The following TSC22D1 variants were observed in gnomAD, a reference collection of about 807,000 sequenced individuals.
The protein encoded by TSC22D1 is TSC22 domain family protein 1.
TSC22D1 carries 9 observed loss-of-function variants against 74.2 expected under a neutral mutation model. The observed-to-expected ratio is 0.12, with a 90% CI of 0.07 to 0.21. The LOEUF (loss-of-function observed/expected upper bound fraction) is 0.21. TSC22D1 is among the 10% of genes least tolerant of loss of function. TSC22D1 has a pLI of 1.00. For synonymous variants in TSC22D1, 586 were observed against 492.5 expected (o/e 1.19, Z -2.51); for missense variants, 1,427 against 1,304.7 (o/e 1.09, Z -1.44).
intron 1 of TSC22D1, among the ~76,000 whole-genome samples, chr13:44,562,116 T>C (rs1883082107): frequency 6.6e-6 from 1 of 152,178 alleles, no homozygotes; most frequent in African/African-American, 2.4e-5. Flanking sequence ...CTCACCTCAC[T>C]GCAACCTCCA....
In TSC22D1 at chr13:44,574,553, G is replaced by C. The variant is rs763098056; in HGVS notation, c.1522C>G (p.Gln508Glu). Reference protein sequence around the residue: ...QQQQQQQQQQQQPALQGVTLQ... With the variant: ...QQQQQQQQQQEQPALQGVTLQ... ...GTCACACCTTGGAGAGCTGGTTGTT[G>C]CTGTTGTTGTTGTTGTTGCTGCTGC... The change falls in exon 1 of 3, where the codon CAA becomes GAA. Residue 508 changes from glutamine to glutamate, a missense_variant. Around this residue, in one of 3 missense-constraint regions of TSC22D1, gnomAD observed 1,343 missense variants for 1,191.5 expected, o/e 1.13. Transcript: ENST00000458659. 6.2e-7 allele frequency: 1 copy of C among 1,613,824 alleles called. No individual in the cohort carries two copies. The highest frequency in any genetic ancestry group is 8.5e-7 in the Non-Finnish European group (1 of 1,180,034).
At position 44,573,330 on chromosome 13, in the gene TSC22D1, A is replaced by G; in HGVS notation, c.2745T>C (p.Arg915=). ...AGCCAACTAAGGAGGGCTCCGCTGC[A>G]CGCCTGGCATCTTCAATTTGGCTTC... The part of the protein sequence containing the change: ...AIGSQIEDAR[R]AAEPSLVGLP... Residue 915 remains arginine (R), a synonymous_variant, in exon 1 of 3, where the codon CGT becomes CGC. Transcript: ENST00000458659. 2.5e-6 allele frequency: 4 copies of G among 1,614,244 alleles called. No homozygotes were observed. The highest frequency in any genetic ancestry group is 3.4e-6 in the Non-Finnish European group (4 of 1,180,038).
rs374971486 is a variant in TSC22D1 at position 44,573,925 on chromosome 13, G to A, written c.2150C>T (p.Pro717Leu). The change falls in exon 1 of 3, where the codon CCG becomes CTG. Residue 717 changes from proline to leucine, a missense_variant. By Grantham distance (98) the Pro-to-Leu change is moderately conservative (BLOSUM62 -3). This residue lies in a region of TSC22D1 where 1,343 missense variants were observed against 1,191.5 expected (regional missense o/e 1.13). Coordinates refer to ENST00000458659, the MANE Select transcript of TSC22D1 (RefSeq NM_183422.4). ...GASVQPVGQA[P>L]AAVSAVPTGS... ...AGTAGGTACAGCAGACACTGCTGCC[G>A]GAGCCTGGCCAACAGGCTGGACAGA... 7.8e-5 allele frequency: 126 copies of A among 1,614,026 alleles called. No homozygotes were observed. The highest frequency in any genetic ancestry group is 1.6e-4 in the Middle Eastern group (1 of 6,084).
chr13:44,434,898 G>A lies in TSC22D1; in HGVS notation c.2965-15C>T, dbSNP rs1368955262. 3.1e-6 allele frequency: 5 copies of A among 1,602,364 alleles called. No individual in the cohort carries two copies. Among genetic ancestry groups the A allele is most frequent in the African/African-American group, 1.3e-5 (1 of 74,526 alleles). On this transcript the variant is annotated splice_polypyrimidine_tract_variant and intron_variant, in intron 2 of 2. Coordinates refer to ENST00000458659, the MANE Select transcript of TSC22D1 (RefSeq NM_183422.4). ...TTCACTAGATCCTGGAAAGAAGACA[G>A]AAAAGGTTTAACTCATTATTTGGTA...
At chr13:44,534,952 A>G (rs182253385) in intron 1 of TSC22D1, among the ~76,000 whole-genome samples, 24 of 152,300 alleles carry the variant, frequency 1.6e-4, no homozygotes, top group Admixed American at 5.2e-4. Context: ...GAGAAATTAA[A>G]TATGAATCAT....
chr13:44,542,512 C>G (rs1388115411), intron 1 of TSC22D1, among the ~76,000 whole-genome samples: 1 of 152,060 alleles, frequency 6.6e-6, no homozygotes, highest in African/African-American at 2.4e-5. Flanking sequence ...TTAAGTTACA[C>G]AACAAGTTAA....
intron 1 of TSC22D1, among the ~76,000 whole-genome samples, chr13:44,557,474 CAAA>C (rs1882734840): frequency 6.6e-6 from 1 of 152,134 alleles, no homozygotes; most frequent in Non-Finnish European, 1.5e-5. Flanking sequence ...CAAAACAAAA[CAAA>C]AAGTTAATTC....
chr13:44,463,030 T>A (rs1877084120), intron 1 of TSC22D1, among the ~76,000 whole-genome samples: 1 of 152,162 alleles, frequency 6.6e-6, no homozygotes, highest in African/African-American at 2.4e-5. Flanking sequence ...CAGTCATCAA[T>A]GAAAGAGATC....
At chr13:44,482,520 C>A (rs1878226591) in intron 1 of TSC22D1, among the ~76,000 whole-genome samples, 1 of 152,142 alleles carries the variant, frequency 6.6e-6, no homozygotes, top group South Asian at 2.1e-4. Context: ...GCCTGGGCAA[C>A]AGAGTGAGAC....
chr13:44,571,644 A>G (rs1360763211), intron 1 of TSC22D1, among the ~76,000 whole-genome samples: 3 of 152,190 alleles, frequency 2.0e-5, no homozygotes, highest in African/African-American at 7.2e-5. Flanking sequence ...AAAAAACATT[A>G]ATATTTGTGG....
rs766693035 is a variant in TSC22D1, at chr13:44,573,651, T to C, written c.2424A>G (p.Pro808=). The C allele has an allele frequency of 5.0e-6, 8 of 1,614,132 alleles. No individual in the cohort carries two copies. In the African/African-American group the frequency reaches 8.0e-5, roughly 16 times the overall value. Residue 808 remains proline (P), a synonymous_variant, in exon 1 of 3, where the codon CCA becomes CCG. Transcript: ENST00000458659. The part of the protein sequence containing the change: ...TVPPQPQGVE[P]VAQGIVSQQL... ...GCTGTGAAACAATTCCTTGAGCTAC[T>C]GGTTCTACTCCTTGTGGCTGGGGAG...
intron 1 of TSC22D1, chr13:44,538,757 T>C (rs1003244854): frequency 7.1e-6 from 7 of 985,286 alleles, no homozygotes; most frequent in African/African-American, 5.2e-5. Flanking sequence ...TCTAGACATA[T>C]TGCATGGATC....
intron 1 of TSC22D1, among the ~76,000 whole-genome samples, chr13:44,494,902 G>A (rs938974948): frequency 5.3e-5 from 8 of 152,104 alleles, no homozygotes; most frequent in African/African-American, 1.9e-4. Flanking sequence ...CAGAATATCA[G>A]TAACAAGACA....
chr13:44,548,756 T>C (rs1188180487), intron 1 of TSC22D1, among the ~76,000 whole-genome samples: 1 of 152,110 alleles, frequency 6.6e-6, no homozygotes, highest in Non-Finnish European at 1.5e-5. Flanking sequence ...AATCAGAAAT[T>C]CCTTTCACCT....
Position 44,550,296 on chromosome 13 carries a change from A to C in TSC22D1, c.2912+22867T>G, listed in dbSNP as rs1207571937. Among the ~76,000 whole-genome samples the C allele has an allele frequency of 2.0e-5, 3 of 152,168 alleles. No homozygotes were observed. In the East Asian group the frequency reaches 5.8e-4, roughly 29 times the overall value. ...TATTTGGCAAGCTCCATTAAGAAAT[A>C]AAGCAGCCGGGCACGGTGGCTCATG... On this transcript the variant is annotated intron_variant, in intron 1 of 2. Transcript: ENST00000458659.
chr13:44,512,798 C>T (rs535163506), intron 1 of TSC22D1, among the ~76,000 whole-genome samples: 36 of 152,122 alleles, frequency 2.4e-4, no homozygotes, highest in Admixed American at 1.5e-3. Context: ...TACAGGCGTG[C>T]GCCATCACGC....
chr13:44,436,184 G>T, intron 1 of TSC22D1, 89 bp from the exon 2 acceptor site: 3 of 1,381,822 alleles, frequency 2.2e-6, no homozygotes, highest in Non-Finnish European at 2.0e-6. Context: ...TTGTGATATT[G>T]CTAGCATCAT....
intron 1 of TSC22D1, among the ~76,000 whole-genome samples, chr13:44,439,760 T>C (rs997310193): frequency 3.3e-5 from 5 of 152,208 alleles, no homozygotes; most frequent in African/African-American, 1.2e-4. Flanking sequence ...TTTACACAGA[T>C]TCCAATTCAA....
intron 1 of TSC22D1, among the ~76,000 whole-genome samples, chr13:44,544,778 A>G (rs188779102): frequency 4.6e-5 from 7 of 152,296 alleles, no homozygotes; most frequent in Non-Finnish European, 8.8e-5. Flanking sequence ...TGTTACCGGT[A>G]TTCAAGTTAG....
Sources: allele counts gnomAD v4.1 joint callset (sites outside exome capture counted in the v4.1 genomes callset), GRCh38; gene constraint gnomAD v4.1.1; regional missense constraint gnomAD v4.1.1; transcripts MANE v1.5; gene names NCBI Gene and HGNC (gene_info 2026-07-23, HGNC 2026-07-21).